The following ACER3 variants were observed in gnomAD, a reference collection of about 807,000 sequenced individuals.
ACER3 encodes alkaline ceramidase 3, also known as alkCDase 3.
A neutral mutation model predicts 48.9 loss-of-function variants in ACER3; 16 were observed. The observed-to-expected ratio is 0.33, with a 90% CI of 0.22 to 0.50. ACER3 has a LOEUF of 0.50. ACER3 is among the 20% of genes least tolerant of loss of function. ACER3 has a pLI of 0.98. For synonymous variants in ACER3, 109 were observed against 107.8 expected (o/e 1.01, Z -0.07); for missense variants, 227 against 326.0 (o/e 0.70, Z 2.34).
At chr11:77,002,048 G>A (rs1949043318) in intron 7 of ACER3, among the ~76,000 whole-genome samples, 1 of 152,094 alleles carries the variant, frequency 6.6e-6, no homozygotes, top group African/African-American at 2.4e-5. Flanking sequence ...TGATTTCTCT[G>A]TGTGTTTGTG....
At chr11:76,880,089 T>TC (rs1156662150) in intron 1 of ACER3, among the ~76,000 whole-genome samples, 1 of 152,222 alleles carries the variant, frequency 6.6e-6, no homozygotes, top group Non-Finnish European at 1.5e-5. Context: ...TGATGATTAA[T>TC]CATCCTAATG....
At chr11:76,983,482 A>G (rs1948628385) in intron 4 of ACER3, among the ~76,000 whole-genome samples, 1 of 151,922 alleles carries the variant, frequency 6.6e-6, no homozygotes. Context: ...TGCCCAGCTA[A>G]TTTTTGAATT....
intron 1 of ACER3, among the ~76,000 whole-genome samples, chr11:76,895,966 T>C (rs1446353912): frequency 6.6e-6 from 1 of 152,194 alleles, no homozygotes; most frequent in Non-Finnish European, 1.5e-5. Context: ...CCATTTCTCT[T>C]AGTCCCCCTG....
intron 7 of ACER3, among the ~76,000 whole-genome samples, chr11:77,007,436 G>A (rs1038620176): frequency 7.2e-5 from 11 of 152,152 alleles, no homozygotes; most frequent in African/African-American, 2.7e-4. Flanking sequence ...GGCAAGCCAG[G>A]GGGAGAAGAG....
chr11:76,990,507 C>A, intron 5 of ACER3, 32 bp from the exon 6 acceptor site: 2 of 1,434,280 alleles, frequency 1.4e-6, no homozygotes, highest in Non-Finnish European at 2.0e-6. Flanking sequence ...TAATGTACTT[C>A]ATTCACATGT....
intron 3 of ACER3, among the ~76,000 whole-genome samples, chr11:76,971,202 G>C (rs1033277959): frequency 2.6e-5 from 4 of 152,022 alleles, no homozygotes; most frequent in Admixed American, 6.6e-5. Flanking sequence ...TGTGTTGTAG[G>C]GAAGTTTAAA....
At chr11:76,913,383 C>T (rs2134734413) in intron 1 of ACER3, among the ~76,000 whole-genome samples, 1 of 152,264 alleles carries the variant, frequency 6.6e-6, no homozygotes, top group South Asian at 2.1e-4. Flanking sequence ...CCTGATTGCC[C>T]TGGCCGGAAC....
intron 7 of ACER3, among the ~76,000 whole-genome samples, chr11:77,003,646 T>A (rs1949078124): frequency 6.6e-6 from 1 of 152,220 alleles, no homozygotes; most frequent in Non-Finnish European, 1.5e-5. Context: ...CTTAAATTTT[T>A]ATTTCAGACT....
At chr11:76,957,747 G>A (rs1947880487) in intron 2 of ACER3, among the ~76,000 whole-genome samples, 1 of 152,022 alleles carries the variant, frequency 6.6e-6, no homozygotes, top group Non-Finnish European at 1.5e-5. Flanking sequence ...TGGGCCTGAA[G>A]TTTTATTTTT....
intron 1 of ACER3, among the ~76,000 whole-genome samples, chr11:76,914,557 G>A (rs1946472002): frequency 6.6e-6 from 1 of 152,208 alleles, no homozygotes. Context: ...ACGTGCTGGA[G>A]AGGATGTGGA....
intron 2 of ACER3, among the ~76,000 whole-genome samples, chr11:76,933,399 C>G (rs375145093): frequency 2.8e-5 from 4 of 145,148 alleles, no homozygotes; most frequent in Non-Finnish European, 6.1e-5. Context: ...GAACAAAGGT[C>G]TCTGGTTTTC....
intron 1 of ACER3, among the ~76,000 whole-genome samples, chr11:76,913,534 GATACGTCCCATCA>G (rs1214062935): frequency 1.7e-5 from 2 of 120,306 alleles, no homozygotes; most frequent in African/African-American, 5.0e-5. Context: ...ATTATTTTGA[GATACGTCCCATCA>G]ATACCTAATT....
intron 1 of ACER3, among the ~76,000 whole-genome samples, chr11:76,910,127 G>T (rs1402674669): frequency 6.6e-6 from 1 of 150,552 alleles, no homozygotes; most frequent in East Asian, 2.0e-4. Flanking sequence ...CTGTTGGGGG[G>T]TGGGGGGCAA....
chr11:76,954,942 C>A (rs7943364), intron 2 of ACER3, among the ~76,000 whole-genome samples: 16,361 of 152,122 alleles, frequency 0.11, 2,912 homozygotes, highest in African/African-American at 0.37. Flanking sequence ...AGTTCTGAGA[C>A]AGGAACCATA....
chr11:77,002,810 A>G (rs1591055894), intron 7 of ACER3, among the ~76,000 whole-genome samples: 1 of 152,246 alleles, frequency 6.6e-6, no homozygotes, highest in Non-Finnish European at 1.5e-5. Context: ...GGATGCACCT[A>G]TAAGACATTA....
At chr11:76,928,162 G>A (rs1423428992) in intron 2 of ACER3, among the ~76,000 whole-genome samples, 1 of 152,292 alleles carries the variant, frequency 6.6e-6, no homozygotes, top group East Asian at 1.9e-4. Flanking sequence ...TCTAACTGGT[G>A]TGAGATGGTA....
intron 7 of ACER3, among the ~76,000 whole-genome samples, chr11:77,002,118 G>A (rs1263404828): frequency 1.3e-5 from 2 of 150,912 alleles, no homozygotes; most frequent in African/African-American, 2.4e-5. Flanking sequence ...CTGCCCTAAT[G>A]ACCCCATTTT....
At chr11:76,996,524 T>TTC (rs1014862189) in intron 6 of ACER3, among the ~76,000 whole-genome samples, 2 of 151,892 alleles carry the variant, frequency 1.3e-5, no homozygotes, top group Non-Finnish European at 2.9e-5. Context: ...GTTCAAGCAA[T>TTC]TCTCCTGCCT....
At chr11:77,012,969 C>G (rs1205213565) in intron 7 of ACER3, among the ~76,000 whole-genome samples, 11 of 152,140 alleles carry the variant, frequency 7.2e-5, no homozygotes, top group Admixed American at 7.2e-4. Flanking sequence ...CCCACACACC[C>G]ATACTGACCT....
Sources: allele counts gnomAD v4.1 joint callset (sites outside exome capture counted in the v4.1 genomes callset), GRCh38; gene constraint gnomAD v4.1.1; transcripts MANE v1.5; gene names NCBI Gene and HGNC (gene_info 2026-07-23, HGNC 2026-07-21).